UNC5C: variants seen among roughly 807,000 people sequenced by gnomAD.
The protein encoded by UNC5C is unc-5 netrin receptor C.
Under a neutral mutation model 99.8 loss-of-function variants are expected in UNC5C, and 47 were observed. That is an observed-to-expected ratio of 0.47 (90% CI 0.37 to 0.60). The LOEUF is 0.60. UNC5C is among the 20% of genes least tolerant of loss of function. The pLI is 0.00. For synonymous variants in UNC5C, 487 were observed against 452.2 expected, an observed-to-expected ratio of 1.08 and a Z score of -0.98; for missense variants, 1,062 against 1,165.9, an observed-to-expected ratio of 0.91 and a Z score of 1.30.
chr4:95,387,564 T>A (rs2149444033), intron 1 of UNC5C, among the ~76,000 whole-genome samples: 1 of 152,350 alleles, frequency 6.6e-6, no homozygotes, highest in East Asian at 1.9e-4. Flanking sequence ...ATAAGGGCTC[T>A]GAAATTCTAT....
chr4:95,251,152 A>T (rs1739707654), intron 4 of UNC5C, among the ~76,000 whole-genome samples: 1 of 152,258 alleles, frequency 6.6e-6, no homozygotes, highest in African/African-American at 2.4e-5. Flanking sequence ...GGCATTTTAG[A>T]CATCACATAG....
chr4:95,381,481 C>T (rs1229024661), intron 1 of UNC5C, among the ~76,000 whole-genome samples: 3 of 152,114 alleles, frequency 2.0e-5, no homozygotes, highest in Non-Finnish European at 4.4e-5. Flanking sequence ...CATGCCTTTT[C>T]TAGCTTTATT....
At chr4:95,426,573 A>G (rs1267755855) in intron 1 of UNC5C, among the ~76,000 whole-genome samples, 1 of 152,240 alleles carries the variant, frequency 6.6e-6, no homozygotes, top group Non-Finnish European at 1.5e-5. Context: ...TGTGCCAAAC[A>G]GTTAACTGAG....
intron 3 of UNC5C, among the ~76,000 whole-genome samples, chr4:95,294,030 C>T (rs1423437172): frequency 6.6e-6 from 1 of 152,144 alleles, no homozygotes; most frequent in Non-Finnish European, 1.5e-5. Flanking sequence ...CACACACTAG[C>T]TCTGAAAAAC....
intron 1 of UNC5C, among the ~76,000 whole-genome samples, chr4:95,419,119 GC>G (rs576840987): frequency 2.6e-5 from 4 of 152,242 alleles, no homozygotes; most frequent in African/African-American, 9.6e-5. Flanking sequence ...TATTCGAACA[GC>G]TGAAACACTG....
intron 2 of UNC5C, among the ~76,000 whole-genome samples, chr4:95,313,692 G>A (rs748698753): frequency 6.6e-6 from 1 of 152,064 alleles, no homozygotes; most frequent in Non-Finnish European, 1.5e-5. Flanking sequence ...TTCTATTGAG[G>A]ATTGCTATTT....
chr4:95,176,528 G>A (rs1032157047), intron 14 of UNC5C, among the ~76,000 whole-genome samples: 4 of 151,842 alleles, frequency 2.6e-5, no homozygotes, highest in African/African-American at 7.3e-5. Context: ...TGCCCCTGCT[G>A]GGGGGTGCCT....
chr4:95,520,397 TG>T (rs1722322592), intron 1 of UNC5C, among the ~76,000 whole-genome samples: 1 of 152,120 alleles, frequency 6.6e-6, no homozygotes, highest in South Asian at 2.1e-4. Context: ...TTATATTAGT[TG>T]GTGTGACAAG....
intron 12 of UNC5C, among the ~76,000 whole-genome samples, chr4:95,200,273 TC>T (rs1417169328): frequency 1.3e-5 from 2 of 152,234 alleles, no homozygotes; most frequent in Non-Finnish European, 2.9e-5. Flanking sequence ...GATTCATTTT[TC>T]TTCCATTTCT....
intron 1 of UNC5C, among the ~76,000 whole-genome samples, chr4:95,337,942 A>T (rs1382878237): frequency 1.3e-5 from 2 of 152,058 alleles, no homozygotes; most frequent in Non-Finnish European, 2.9e-5. Flanking sequence ...TAATATTCAC[A>T]AAGTAAAGTC....
intron 12 of UNC5C, among the ~76,000 whole-genome samples, chr4:95,193,320 TG>T (rs535390412): frequency 8.7e-4 from 133 of 152,298 alleles, no homozygotes; most frequent in African/African-American, 2.1e-3. Context: ...CCTGGCACTC[TG>T]GCTGTTTTTT....
intron 2 of UNC5C, among the ~76,000 whole-genome samples, chr4:95,303,938 T>A (rs1741966921): frequency 6.6e-6 from 1 of 152,120 alleles, no homozygotes; most frequent in African/African-American, 2.4e-5. Context: ...TGGAACTCCT[T>A]AAAAACTGTA....
At chr4:95,171,870 T>A (rs558083363) in intron 14 of UNC5C, among the ~76,000 whole-genome samples, 239 of 152,152 alleles carry the variant, frequency 1.6e-3, no homozygotes, top group African/African-American at 5.6e-3. Flanking sequence ...GTAAAAGTGT[T>A]CCTGTTTCTC....
At chr4:95,230,461 T>A (rs936038838) in intron 7 of UNC5C, among the ~76,000 whole-genome samples, 4 of 152,216 alleles carry the variant, frequency 2.6e-5, no homozygotes, top group African/African-American at 9.6e-5. Flanking sequence ...ATCCCATTTG[T>A]CAATTTTGGC....
Position 95,209,592 on chromosome 4 carries a change from A to G in UNC5C, c.1734-2796T>C, listed in dbSNP as rs1262806627. ...TCCTCCATTATAGCTAAAGTTATTT[A>G]GGTACTTGGGAATGTACTTAAATTT... On this transcript the variant is annotated intron_variant, in intron 10 of 15. Coordinates refer to ENST00000453304, the MANE Select transcript of UNC5C (RefSeq NM_003728.4). Among the ~76,000 whole-genome samples the G allele has an allele frequency of 2.0e-5, 3 of 152,224 alleles. No homozygotes were observed. In the South Asian group the frequency reaches 6.2e-4, roughly 31 times the overall value.
chr4:95,530,122 G>T (rs186091522), intron 1 of UNC5C, among the ~76,000 whole-genome samples: 202 of 152,106 alleles, frequency 1.3e-3, no homozygotes, highest in African/African-American at 4.1e-3. Flanking sequence ...TTTGAGGGTT[G>T]GTCTCTCCTG....
chr4:95,432,316 C>T (rs1176636372), intron 1 of UNC5C, among the ~76,000 whole-genome samples: 4 of 152,074 alleles, frequency 2.6e-5, no homozygotes, highest in Non-Finnish European at 5.9e-5. Context: ...GGCCAACACT[C>T]ATGTCATTAT....
chr4:95,230,902 A>G (rs1560743964), intron 7 of UNC5C, among the ~76,000 whole-genome samples: 1 of 152,104 alleles, frequency 6.6e-6, no homozygotes, highest in Non-Finnish European at 1.5e-5. Context: ...GGGATTAACA[A>G]AAGTTCTGTT....
intron 1 of UNC5C, among the ~76,000 whole-genome samples, chr4:95,497,073 CGTT>C (rs1721649517): frequency 6.6e-6 from 1 of 151,850 alleles, no homozygotes; most frequent in African/African-American, 2.4e-5. Context: ...TTTATCCACT[CGTT>C]GGTTGATGAG....
Sources: gnomAD v4.1 joint callset for allele counts (sites outside exome capture counted in the v4.1 genomes callset) on GRCh38, gnomAD v4.1.1 for gene constraint, MANE v1.5 for transcripts, NCBI Gene and HGNC (gene_info 2026-07-23, HGNC 2026-07-21) for gene names.